The following TTC16 variants were observed in gnomAD, a reference collection of about 807,000 sequenced individuals.
The protein encoded by TTC16 is tetratricopeptide repeat protein 16.
TTC16 carries 66 observed loss-of-function variants against 80.4 expected under a neutral mutation model. That is an observed-to-expected ratio of 0.82 (90% CI 0.67 to 1.01). TTC16 has a LOEUF of 1.01. TTC16 is among the 50% of genes least tolerant of loss of function. The pLI is 0.00. For synonymous variants in TTC16, 438 were observed against 451.3 expected (o/e 0.97, Z 0.37); for missense variants, 1,070 against 1,103.2 (o/e 0.97, Z 0.43).
rs768389143 is a variant in TTC16, at chr9:127,717,739, C to G, written c.393C>G (p.His131Gln). 1.9e-6 allele frequency: 3 copies of G among 1,613,848 alleles called. No individual in the cohort carries two copies. In the East Asian group the frequency reaches 6.7e-5, roughly 36 times the overall value. Residue 131 changes from histidine (H) to glutamine (Q), a missense_variant, in exon 4 of 14, where the codon CAC becomes CAG. Physicochemically the swap from His to Gln is conservative, Grantham distance 24. Transcript: ENST00000373289. Reference sequence around the variant, plus strand: ...CATTACAGCAGGACAACTGCAAGCACCTGGAGCGCCTCACCTTTGTGCTCT... The same window carrying G: ...CATTACAGCAGGACAACTGCAAGCAGCTGGAGCGCCTCACCTTTGTGCTCT... ...AYSLQQDNCK[H>Q]LERLTFVLYL... is the part of the protein sequence containing the mutation.
chr9:127,730,322 GT>G (rs1844304882), intron 13 of TTC16: 1 of 421,044 alleles, frequency 2.4e-6, no homozygotes, highest in South Asian at 3.4e-5. Context: ...AAGCAGGAGG[GT>G]GCCAGGCGGG....
At chr9:127,729,454 T>A in intron 12 of TTC16, 127 bp from the exon 13 acceptor site, 1 of 734,796 alleles carries the variant, frequency 1.4e-6, no homozygotes, top group Non-Finnish European at 2.3e-6. Flanking sequence ...CACTCTAACC[T>A]GGCACCTTCA....
intron 6 of TTC16, among the ~76,000 whole-genome samples, chr9:127,720,798 C>CCCTTACCCCCTTCCTCTCTTCCT (rs1843386623): frequency 1.1e-5 from 1 of 87,580 alleles, no homozygotes; most frequent in African/African-American, 4.3e-5. Flanking sequence ...TAGCCCTTCC[C>CCCTTACCCCCTTCCTCTCTTCCT]CCTTCCTCCC....
rs202055229 is a variant in TTC16 at position 127,723,171 on chromosome 9, A to C, written c.710A>C (p.His237Pro). The C allele has an allele frequency of 1.1e-5, 17 of 1,612,532 alleles. No homozygotes were observed. The highest frequency in any genetic ancestry group is 1.4e-5 in the Non-Finnish European group (17 of 1,180,022). ...AGCGCCTTGCTGTTGAATCCCAAGC[A>C]CCCGCAGGCCAGGATGCTGCTCCAG... ...LHSALLLNPK[H>P]PQARMLLQKM... The change falls in exon 7 of 14, where the codon CAC (histidine) becomes CCC (proline). Residue 237 changes from histidine to proline, a missense_variant. Physicochemically the swap from His to Pro is moderately conservative, Grantham distance 77. Coordinates refer to ENST00000373289, the MANE Select transcript of TTC16 (RefSeq NM_144965.3).
intron 2 of TTC16, 102 bp downstream of exon 2, chr9:127,717,118 C>T (rs939477241): frequency 1.4e-6 from 2 of 1,453,258 alleles, no homozygotes; most frequent in East Asian, 2.4e-5. Flanking sequence ...CCTCAGTGAA[C>T]TCAACTGTCT....
At chr9:127,716,291 C>A in intron 1 of TTC16, 128 bp downstream of exon 1, 1 of 1,380,346 alleles carries the variant, frequency 7.2e-7, no homozygotes, top group Non-Finnish European at 1.0e-6. Context: ...AGGCCCTGGC[C>A]GCCATGCCAA....
At position 127,720,414 on chromosome 9, in the gene TTC16, G is replaced by C; in HGVS notation, c.657+19G>C. 1 of 1,564,922 alleles carries C rather than the reference G, an allele frequency of 6.4e-7. No individual in the cohort carries two copies. The highest frequency in any genetic ancestry group is 8.8e-7 in the Non-Finnish European group (1 of 1,137,934). ...CCAGAAGGTACAGTGGGGAGGGCGG[G>C]CAGGGGCATGCCCCCCAACCTGGGA... On this transcript the variant is annotated intron_variant, in intron 6 of 13. Coordinates refer to ENST00000373289, the MANE Select transcript of TTC16 (RefSeq NM_144965.3).
intron 12 of TTC16, 163 bp from the exon 13 acceptor site, chr9:127,729,418 G>T: frequency 1.6e-6 from 1 of 610,732 alleles, no homozygotes; most frequent in Non-Finnish European, 2.9e-6. Flanking sequence ...CTTCCTGCCA[G>T]GCTTAGCCTC....
At chr9:127,724,969 G>T in intron 9 of TTC16, 72 bp downstream of exon 9, 1 of 1,425,916 alleles carries the variant, frequency 7.0e-7, no homozygotes. Context: ...CCAACTGCTG[G>T]GATCCCTGGG....
At chr9:127,726,486 T>C in intron 10 of TTC16, 82 bp downstream of exon 10, 1 of 1,416,654 alleles carries the variant, frequency 7.1e-7, no homozygotes. Flanking sequence ...CAAAGAAATC[T>C]GGTTTGATAA....
intron 10 of TTC16, 103 bp downstream of exon 10, chr9:127,726,507 G>GC: frequency 7.6e-7 from 1 of 1,314,602 alleles, no homozygotes; most frequent in Non-Finnish European, 1.0e-6. Flanking sequence ...CAATCATAAG[G>GC]CCAGGCATGG....
In TTC16 at chr9:127,726,995, TC is replaced by T. The variant is rs1312268153; in HGVS notation, c.1454del (p.Pro485ArgfsTer13). The T allele has an allele frequency of 2.5e-6, 4 of 1,612,978 alleles. No homozygotes were observed. In the African/African-American group the frequency reaches 4.0e-5, roughly 16 times the overall value. On this transcript the variant is annotated frameshift_variant, in exon 11 of 14. Transcript: ENST00000373289. LOFTEE classifies it high-confidence loss of function. ...CTGTCCCTGCTGATGACCAACCTCT[TC>T]CCGGGCATGTCGGTGGAGGAGGTGC... is the stretch of plus-strand genomic sequence containing the variant. The part of the protein sequence containing the change: ...PKLSLLMTNL[F>X]PGMSVEEVLS...
At chr9:127,716,613 T>G (rs1843036155) in intron 1 of TTC16, 3 of 594,024 alleles carry the variant, frequency 5.1e-6, no homozygotes, top group Non-Finnish European at 8.9e-6. Context: ...ATGAGGACCC[T>G]GATCCCTGAC....
In TTC16 at chr9:127,726,377, C is replaced by T; in HGVS notation, c.1398C>T (p.Val466=). ...IFGARQDVAT[V]LLLNPKQPKL... is the part of the protein sequence containing the mutation. ...GGGCCCGCCAGGATGTGGCCACTGT[C>T]CTGCTCCTCAACCCCAAGCAACCAA... Residue 466 remains valine (V), a synonymous_variant, in exon 10 of 14, where the codon GTC becomes GTT. Coordinates refer to ENST00000373289, the MANE Select transcript of TTC16 (RefSeq NM_144965.3). 1 of 1,609,216 alleles carries T rather than the reference C, an allele frequency of 6.2e-7. No individual in the cohort carries two copies. Among genetic ancestry groups the T allele is most frequent in the South Asian group, 1.1e-5 (1 of 90,620 alleles).
At chr9:127,729,229 A>C in intron 12 of TTC16, 1 of 216,386 alleles carries the variant, frequency 4.6e-6, no homozygotes. Flanking sequence ...GGTAAAGCCT[A>C]CAGAAGCTCC....
In TTC16 at chr9:127,730,733, G is replaced by A. The variant is rs1455075584; in HGVS notation, c.1950G>A (p.Leu650=). Residue 650 remains leucine, a synonymous_variant, in exon 14 of 14, where the codon CTG becomes CTA. Coordinates refer to ENST00000373289, the MANE Select transcript of TTC16 (RefSeq NM_144965.3). ...CCGTGACATTCTCTGACTCGTCACT[G>A]TTGAAGACGCAATCCTCGGACTCTG... ...ATAVTFSDSS[L]LKTQSSDSGN... The A allele has an allele frequency of 1.9e-6, 3 of 1,613,512 alleles. No individual in the cohort carries two copies. The highest frequency in any genetic ancestry group is 1.3e-5 in the African/African-American group (1 of 74,944).
intron 13 of TTC16, 75 bp downstream of exon 13, chr9:127,729,743 C>T (rs754411577): frequency 3.5e-6 from 5 of 1,437,496 alleles, no homozygotes; most frequent in Non-Finnish European, 3.9e-6. Context: ...GGTCGAAGAC[C>T]GCTGGCCTAG....
Position 127,731,438 on chromosome 9 carries a change from G to A in TTC16, c.*33G>A. 1.3e-6 allele frequency: 2 copies of A among 1,578,300 alleles called. No homozygotes were observed. The highest frequency in any genetic ancestry group is 8.6e-7 in the Non-Finnish European group (1 of 1,160,370). On this transcript the variant is annotated 3_prime_UTR_variant, in exon 14 of 14. Coordinates refer to ENST00000373289, the MANE Select transcript of TTC16 (RefSeq NM_144965.3). ...ATCCAGACCCTCCCTTCTTGCTGGG[G>A]AGGGGACGAGTTCTACCCACCTCCC...
At chr9:127,725,570 A>G (rs1157261072) in intron 9 of TTC16, among the ~76,000 whole-genome samples, 3 of 150,266 alleles carry the variant, frequency 2.0e-5, no homozygotes, top group Non-Finnish European at 3.0e-5. Flanking sequence ...TCTCAAAAAA[A>G]AAAAAAAAAA....
Sources: allele counts gnomAD v4.1 joint callset (sites outside exome capture counted in the v4.1 genomes callset), GRCh38; gene constraint gnomAD v4.1.1; transcripts MANE v1.5; gene names NCBI Gene and HGNC (gene_info 2026-07-23, HGNC 2026-07-21).